The following PDE4D variants were observed in gnomAD, a reference collection of about 807,000 sequenced individuals.
PDE4D encodes phosphodiesterase 4D, also known as 3',5'-cyclic-AMP phosphodiesterase 4D.
A neutral mutation model predicts 87.4 loss-of-function variants in PDE4D; 24 were observed. The observed-to-expected ratio is 0.27, with a 90% CI of 0.20 to 0.39. The LOEUF is 0.39. Among genes scored for constraint, PDE4D ranks in the 10% least tolerant of loss-of-function variants. The pLI is 1.00. For missense variants in PDE4D, 714 were observed against 1,041.0 expected, an observed-to-expected ratio of 0.69 and a Z score of 4.32; for synonymous variants, 384 against 383.2, an observed-to-expected ratio of 1.00 and a Z score of -0.02.
At position 59,781,795 on chromosome 5, in the gene PDE4D, A is replaced by T. The variant is rs1166478071; in HGVS notation, c.455+111373T>A. 8.1e-3 allele frequency among the ~76,000 whole-genome samples: 1,217 copies of T among 149,926 alleles called. 21 individuals are homozygous for T. The highest frequency in any genetic ancestry group is 0.028 in the African/African-American group (1,163 of 40,928). ...GCGACACTCCATCTCAAAAAAAAAA[A>T]AAAAAAAAAAAAAAAAAAAATCAAC... is the stretch of plus-strand genomic sequence containing the variant. On this transcript the variant is annotated intron_variant, in intron 1 of 14. Transcript: ENST00000340635.
chr5:59,830,550 A>G (rs1287241869), intron 1 of PDE4D, among the ~76,000 whole-genome samples: 3 of 152,100 alleles, frequency 2.0e-5, no homozygotes, highest in African/African-American at 4.8e-5. Context: ...ATTACTTTCA[A>G]TCAGATATCT....
chr5:60,124,684 T>C (rs1160487719), intron 2 of PDE4D, among the ~76,000 whole-genome samples: 1 of 152,166 alleles, frequency 6.6e-6, no homozygotes, highest in Non-Finnish European at 1.5e-5. Flanking sequence ...TTAACTACTA[T>C]ATATCTTATT....
chr5:59,978,386 G>T (rs545780974), intron 3 of PDE4D, among the ~76,000 whole-genome samples: 3 of 152,264 alleles, frequency 2.0e-5, no homozygotes, highest in South Asian at 4.1e-4. Flanking sequence ...ACTCTGAGGG[G>T]TTCAAGTGGA....
intron 1 of PDE4D, among the ~76,000 whole-genome samples, chr5:59,394,151 C>T: frequency 6.6e-6 from 1 of 152,246 alleles, no homozygotes; most frequent in African/African-American, 2.4e-5. Flanking sequence ...CAGAGATCTG[C>T]TATCTATATT....
chr5:59,544,165 A>C (rs1816859200), intron 1 of PDE4D, among the ~76,000 whole-genome samples: 1 of 152,216 alleles, frequency 6.6e-6, no homozygotes, highest in Non-Finnish European at 1.5e-5. Context: ...GCAGCAAGGA[A>C]AACTAGGTAC....
chr5:59,185,276 G>A lies in PDE4D; in HGVS notation c.685-14C>T, dbSNP rs764504167. 18 of 1,592,170 alleles carry A rather than the reference G, an allele frequency of 1.1e-5. No homozygotes were observed. The highest frequency in any genetic ancestry group is 1.5e-5 in the Non-Finnish European group (18 of 1,167,080). On this transcript the variant is annotated splice_polypyrimidine_tract_variant and intron_variant, in intron 3 of 14. Transcript: ENST00000340635. ...ACTGGCCAAGACCTACAACAAGAAA[G>A]GATTCTTGAAACTTCTTGAGCTAAG...
In PDE4D at chr5:59,480,636, G is replaced by A. The variant is rs116852115; in HGVS notation, c.456-264668C>T. On this transcript the variant is annotated intron_variant, in intron 1 of 14. Transcript: ENST00000340635. Reference sequence around the variant, plus strand: ...TAATGGGTCCAATATGCCAGGATGGGAATACCCCATGAAGCCAGGCATTAT... The same window carrying A: ...TAATGGGTCCAATATGCCAGGATGGAAATACCCCATGAAGCCAGGCATTAT... 1.8e-3 allele frequency among the ~76,000 whole-genome samples: 281 copies of A among 152,190 alleles called. 7 individuals carry two copies. The East Asian group carries it at 0.049, about 26-fold the overall frequency.
At chr5:59,644,514 G>T (rs756847964) in intron 1 of PDE4D, among the ~76,000 whole-genome samples, 1 of 152,102 alleles carries the variant, frequency 6.6e-6, no homozygotes, top group African/African-American at 2.4e-5. Flanking sequence ...ATTTTGCTCT[G>T]CAGATTGTTC....
At chr5:60,211,336 G>A (rs774851553) in intron 1 of PDE4D, among the ~76,000 whole-genome samples, 13 of 151,980 alleles carry the variant, frequency 8.6e-5, no homozygotes, top group Non-Finnish European at 1.3e-4. Context: ...TGCAGATTGG[G>A]GAGCTAATGT....
At chr5:59,729,872 C>A (rs1000151547) in intron 1 of PDE4D, among the ~76,000 whole-genome samples, 1 of 151,998 alleles carries the variant, frequency 6.6e-6, no homozygotes. Flanking sequence ...ACTTCTTATG[C>A]CTTCTGAAAC....
intron 1 of PDE4D, among the ~76,000 whole-genome samples, chr5:60,380,112 A>G (rs569133658): frequency 6.6e-6 from 1 of 152,284 alleles, no homozygotes; most frequent in Non-Finnish European, 1.5e-5. Context: ...TGGGTGATTG[A>G]GCTTAAAAAT....
intron 2 of PDE4D, among the ~76,000 whole-genome samples, chr5:60,087,670 GA>G (rs954013332): frequency 6.6e-6 from 1 of 151,822 alleles, no homozygotes; most frequent in African/African-American, 2.4e-5. Context: ...TAGTGAGCTT[GA>G]AAAAAGAATA....
At chr5:60,475,829 A>AC (rs1248877652) in intron 1 of PDE4D, among the ~76,000 whole-genome samples, 1 of 148,572 alleles carries the variant, frequency 6.7e-6, no homozygotes, top group East Asian at 1.9e-4. Context: ...AAATGAAAAA[A>AC]AAAAAAAAAA....
chr5:59,470,825 G>C (rs1802323849), intron 1 of PDE4D, among the ~76,000 whole-genome samples: 1 of 152,106 alleles, frequency 6.6e-6, no homozygotes, highest in Non-Finnish European at 1.5e-5. Flanking sequence ...TATATATAAA[G>C]AGATTTGTTT....
At chr5:59,057,851 C>T (rs1762579890) in intron 5 of PDE4D, among the ~76,000 whole-genome samples, 1 of 152,132 alleles carries the variant, frequency 6.6e-6, no homozygotes, top group South Asian at 2.1e-4. Context: ...CTAAAACAGC[C>T]TGATCAGCCT....
chr5:60,258,905 C>T (rs953763680), intron 1 of PDE4D, among the ~76,000 whole-genome samples: 1 of 151,746 alleles, frequency 6.6e-6, no homozygotes, highest in Non-Finnish European at 1.5e-5. Context: ...AATATGATTA[C>T]AACTATACAT....
chr5:60,067,641 T>C (rs1195488313), intron 2 of PDE4D, among the ~76,000 whole-genome samples: 1 of 152,146 alleles, frequency 6.6e-6, no homozygotes, highest in Non-Finnish European at 1.5e-5. Flanking sequence ...TACAATGTTG[T>C]ATAACAGATC....
chr5:59,968,380 G>A (rs566911529), intron 3 of PDE4D, among the ~76,000 whole-genome samples: 3 of 152,116 alleles, frequency 2.0e-5, no homozygotes, highest in East Asian at 1.9e-4. Flanking sequence ...TTCAGCACAC[G>A]TGGACATATG....
intron 2 of PDE4D, among the ~76,000 whole-genome samples, chr5:59,999,404 C>A (rs899176676): frequency 2.6e-5 from 4 of 151,776 alleles, no homozygotes; most frequent in African/African-American, 9.7e-5. Context: ...TGCCACAGAA[C>A]CTGCAGTGGT....
Sources: gnomAD v4.1 joint callset for allele counts (sites outside exome capture counted in the v4.1 genomes callset) on GRCh38, gnomAD v4.1.1 for gene constraint, MANE v1.5 for transcripts, NCBI Gene and HGNC (gene_info 2026-07-23, HGNC 2026-07-21) for gene names.